The following ITGB6 variants were observed in gnomAD, a reference collection of about 807,000 sequenced individuals.
ITGB6 encodes the protein integrin subunit beta 6, also known as integrin beta-6.
Under a neutral mutation model 84.5 loss-of-function variants are expected in ITGB6, and 80 were observed. That is an observed-to-expected ratio of 0.95 (90% CI 0.79 to 1.14). The LOEUF (loss-of-function observed/expected upper bound fraction) is 1.14, where lower values mean the gene tolerates loss of function less well. ITGB6 is among the 50% of genes most tolerant of loss of function. The pLI is 0.00. For synonymous variants in ITGB6, 383 were observed against 354.9 expected (o/e 1.08, Z -0.89); for missense variants, 1,006 against 968.0 (o/e 1.04, Z -0.52).
chr2:160,138,326 A>C (rs1183958189), intron 8 of ITGB6, 127 bp from the exon 9 acceptor site: 1 of 833,720 alleles, frequency 1.2e-6, no homozygotes, highest in African/African-American at 1.7e-5. Flanking sequence ...AAAGAAATTC[A>C]GTATATCATC....
At position 160,138,834 on chromosome 2, in the gene ITGB6, A is replaced by G. The variant is rs1683876196; in HGVS notation, c.1108-635T>C. On this transcript the variant is annotated intron_variant, in intron 8 of 14. Coordinates refer to ENST00000283249, the MANE Select transcript of ITGB6 (RefSeq NM_000888.5). Reference sequence around the variant, plus strand: ...AATCACAGTACACATTTTAAAATATATTTTAAAACAGCAATTAAACTTAAT... The same window carrying G: ...AATCACAGTACACATTTTAAAATATGTTTTAAAACAGCAATTAAACTTAAT... Among the ~76,000 whole-genome samples, 9 of 152,218 alleles carry G rather than the reference A, an allele frequency of 5.9e-5. 1 individual carries two copies.
At chr2:160,164,473 C>T (rs1307689251) in intron 7 of ITGB6, among the ~76,000 whole-genome samples, 1 of 152,154 alleles carries the variant, frequency 6.6e-6, no homozygotes, top group Non-Finnish European at 1.5e-5. Context: ...GGGCAGTTCA[C>T]ATGAGGCCAG....
chr2:160,171,454 C>G (rs933426712), intron 6 of ITGB6, among the ~76,000 whole-genome samples: 1 of 151,852 alleles, frequency 6.6e-6, no homozygotes. Flanking sequence ...CCTGCCTCAG[C>G]CTCCCGAGTA....
chr2:160,148,998 G>T (rs1283442866), intron 7 of ITGB6, among the ~76,000 whole-genome samples: 2 of 152,248 alleles, frequency 1.3e-5, no homozygotes, highest in East Asian at 3.8e-4. Flanking sequence ...GCTGCCTCTA[G>T]ACTCCACCAC....
intron 4 of ITGB6, among the ~76,000 whole-genome samples, chr2:160,194,702 T>G (rs1163519667): frequency 1.3e-5 from 2 of 152,124 alleles, no homozygotes; most frequent in African/African-American, 4.8e-5. Context: ...GGAGAATATT[T>G]GATTCTGAAC....
intron 4 of ITGB6, among the ~76,000 whole-genome samples, chr2:160,193,633 C>G (rs760968611): frequency 6.6e-6 from 1 of 152,178 alleles, no homozygotes; most frequent in Admixed American, 6.5e-5. Context: ...AAAGGAGTTG[C>G]GAGGGAGTGG....
intron 10 of ITGB6, among the ~76,000 whole-genome samples, chr2:160,127,616 G>T (rs185789264): frequency 1.6e-4 from 25 of 152,124 alleles, no homozygotes; most frequent in African/African-American, 5.1e-4. Flanking sequence ...GCTGTGTCAC[G>T]GGCCATGGTC....
chr2:160,172,786 G>A (rs1685264750), intron 5 of ITGB6, 56 bp from the exon 6 acceptor site: 11 of 1,387,672 alleles, frequency 7.9e-6, no homozygotes, highest in Non-Finnish European at 1.1e-5. Context: ...CATTTATTGA[G>A]TGTGGATCAA....
intron 7 of ITGB6, among the ~76,000 whole-genome samples, chr2:160,160,707 A>G (rs2105851670): frequency 6.6e-6 from 1 of 152,272 alleles, no homozygotes; most frequent in East Asian, 1.9e-4. Flanking sequence ...AAAGGCTATG[A>G]CACGTGGAAA....
intron 12 of ITGB6, among the ~76,000 whole-genome samples, chr2:160,121,204 G>T (rs546411545): frequency 3.9e-5 from 6 of 152,116 alleles, no homozygotes; most frequent in Non-Finnish European, 5.9e-5. Context: ...AAACAACAAT[G>T]TTTCCCAAGG....
chr2:160,194,044 C>G (rs2105896188), intron 4 of ITGB6, among the ~76,000 whole-genome samples: 1 of 152,246 alleles, frequency 6.6e-6, no homozygotes. Flanking sequence ...GTAATCTCAG[C>G]TACTCGGGAG....
intron 7 of ITGB6, among the ~76,000 whole-genome samples, chr2:160,162,945 T>A (rs902417602): frequency 7.9e-5 from 12 of 152,176 alleles, no homozygotes; most frequent in African/African-American, 2.4e-4. Flanking sequence ...ACGCCATTTT[T>A]CCATATGCTT....
intron 4 of ITGB6, among the ~76,000 whole-genome samples, chr2:160,181,679 G>A (rs1006754982): frequency 2.6e-5 from 4 of 152,170 alleles, no homozygotes; most frequent in African/African-American, 4.8e-5. Flanking sequence ...CCTGACCCTC[G>A]TGCCTCCTGA....
intron 6 of ITGB6, among the ~76,000 whole-genome samples, chr2:160,172,108 C>A (rs551837091): frequency 6.6e-6 from 1 of 152,078 alleles, no homozygotes; most frequent in African/African-American, 2.4e-5. Context: ...TTATAAATGA[C>A]AAAAAATAAG....
intron 14 of ITGB6, among the ~76,000 whole-genome samples, 153 bp from the exon 15 acceptor site, chr2:160,101,987 T>C (rs1696740576): frequency 6.6e-6 from 1 of 152,212 alleles, no homozygotes; most frequent in South Asian, 2.1e-4. Flanking sequence ...TGTTTAGTGT[T>C]TTGCAATTTA....
intron 4 of ITGB6, among the ~76,000 whole-genome samples, chr2:160,184,355 A>T (rs1001187096): frequency 2.0e-5 from 3 of 152,236 alleles, no homozygotes; most frequent in Admixed American, 2.0e-4. Context: ...AAACACCTCT[A>T]TGCAAATAAA....
intron 2 of ITGB6, among the ~76,000 whole-genome samples, chr2:160,197,290 C>T (rs1233944126): frequency 4.0e-5 from 6 of 151,434 alleles, no homozygotes; most frequent in Non-Finnish European, 5.9e-5. Context: ...AGCAAGACTC[C>T]GTCTCAAAAA....
At chr2:160,161,085 A>G (rs1261639216) in intron 7 of ITGB6, among the ~76,000 whole-genome samples, 1 of 152,226 alleles carries the variant, frequency 6.6e-6, no homozygotes, top group African/African-American at 2.4e-5. Context: ...ATGTAAAAGT[A>G]ACCCAGGAGG....
intron 12 of ITGB6, among the ~76,000 whole-genome samples, chr2:160,118,922 C>G (rs1483912599): frequency 2.0e-5 from 3 of 152,062 alleles, no homozygotes; most frequent in African/African-American, 7.2e-5. Flanking sequence ...ACAATTGCTT[C>G]AAAGAGAATA....
Sources: gnomAD v4.1 joint callset for allele counts (sites outside exome capture counted in the v4.1 genomes callset) on GRCh38, gnomAD v4.1.1 for gene constraint, MANE v1.5 for transcripts, NCBI Gene and HGNC (gene_info 2026-07-23, HGNC 2026-07-21) for gene names.